The following KDM5A variants were observed in gnomAD, a reference collection of about 807,000 sequenced individuals.
KDM5A encodes the protein lysine demethylase 5A, also known as lysine-specific demethylase 5A.
KDM5A carries 42 observed loss-of-function variants against 193.5 expected under a neutral mutation model. That is an observed-to-expected ratio of 0.22 (90% CI 0.17 to 0.28). KDM5A has a LOEUF of 0.28. Among genes scored for constraint, KDM5A ranks in the 10% least tolerant of loss-of-function variants. KDM5A has a pLI of 1.00. For synonymous variants in KDM5A, 796 were observed against 718.1 expected (o/e 1.11, Z -1.73); for missense variants, 1,692 against 2,055.1 (o/e 0.82, Z 3.42).
At chr12:329,994 C>T (rs939216314) in intron 13 of KDM5A, among the ~76,000 whole-genome samples, 6 of 151,546 alleles carry the variant, frequency 4.0e-5, no homozygotes, top group East Asian at 3.9e-4. Context: ...AAATTTGAGG[C>T]TATCTCTGAA....
intron 17 of KDM5A, 41 bp from the exon 18 acceptor site, chr12:321,150 A>G: frequency 7.1e-7 from 1 of 1,408,430 alleles, no homozygotes; most frequent in Non-Finnish European, 1.0e-6. Context: ...AGAAAAATTC[A>G]GTCATTCTGA....
chr12:286,569 T>C (rs1276109779), intron 27 of KDM5A, among the ~76,000 whole-genome samples: 1 of 152,206 alleles, frequency 6.6e-6, no homozygotes, highest in Non-Finnish European at 1.5e-5. Context: ...GTCATTTCAT[T>C]GGTAACGTTA....
Position 366,011 on chromosome 12 carries a change from T to C in KDM5A, c.460A>G (p.Thr154Ala), listed in dbSNP as rs1445340239. 6 of 1,613,866 alleles carry C rather than the reference T, an allele frequency of 3.7e-6. No homozygotes were observed. Among genetic ancestry groups the C allele is most frequent in the Non-Finnish European group, 5.1e-6 (6 of 1,179,856 alleles). The change falls in exon 4 of 28, where the codon ACT becomes GCT. Residue 154 changes from threonine (T) to alanine (A), a missense_variant. This residue lies in a region of KDM5A where 120 missense variants were observed against 172.0 expected (regional missense o/e 0.70). Coordinates refer to ENST00000399788, the MANE Select transcript of KDM5A (RefSeq NM_001042603.3). ...TAATGTGACTTCAAAAGAGACCCAG[T>C]TCCTTTTCCTGGCAGATATCCCAAG... ...SRLGYLPGKG[T>A]GSLLKSHYER...
At chr12:344,875 C>A (rs1049368800) in intron 10 of KDM5A, among the ~76,000 whole-genome samples, 5 of 152,158 alleles carry the variant, frequency 3.3e-5, no homozygotes, top group Non-Finnish European at 1.5e-5. Context: ...GCAAAATAAC[C>A]AGCAAACATC....
In KDM5A at chr12:333,789, T is replaced by C. The variant is rs995738906; in HGVS notation, c.1491-140A>G. ...ATGCCCTGAATTCTGGCAACCATCT[T>C]ATAAACCTGTGCTGTTGTTCACAAT... On this transcript the variant is annotated intron_variant, in intron 11 of 27. Coordinates refer to ENST00000399788, the MANE Select transcript of KDM5A (RefSeq NM_001042603.3). 12 of 806,520 alleles carry C rather than the reference T, an allele frequency of 1.5e-5. 1 individual carries two copies. The highest frequency in any genetic ancestry group is 1.4e-4 in the African/African-American group (8 of 59,188). The allele number at this position is 806,520 out of a possible 1,614,324, so 50.0% of individuals were successfully genotyped here.
At chr12:332,012 A>T in intron 12 of KDM5A, 74 bp from the exon 13 acceptor site, 1 of 1,314,886 alleles carries the variant, frequency 7.6e-7, no homozygotes. Flanking sequence ...AGATTTTATT[A>T]GATAATTTCA....
chr12:372,372 G>C (rs1361026316), intron 3 of KDM5A, among the ~76,000 whole-genome samples: 1 of 152,176 alleles, frequency 6.6e-6, no homozygotes, highest in East Asian at 1.9e-4. Flanking sequence ...TTGTGAATGG[G>C]AGTTCACTCA....
At chr12:317,216 G>A (rs990006188) in intron 19 of KDM5A, among the ~76,000 whole-genome samples, 2 of 152,080 alleles carry the variant, frequency 1.3e-5, no homozygotes, top group Non-Finnish European at 2.9e-5. Flanking sequence ...CTCCACTCCA[G>A]GGAAACCCAC....
intron 5 of KDM5A, among the ~76,000 whole-genome samples, chr12:358,406 A>C (rs1403845530): frequency 6.6e-6 from 1 of 152,224 alleles, no homozygotes; most frequent in Non-Finnish European, 1.5e-5. Context: ...ATTTGGTTAC[A>C]CTAACCAACT....
At chr12:374,891 T>C (rs937874434) in intron 3 of KDM5A, among the ~76,000 whole-genome samples, 1 of 152,178 alleles carries the variant, frequency 6.6e-6, no homozygotes, top group African/African-American at 2.4e-5. Flanking sequence ...TTTAAGAATG[T>C]TGAACATTGG....
In KDM5A at chr12:300,432, T is replaced by A. The variant is rs11519569; in HGVS notation, c.4075-3232A>T. On this transcript the variant is annotated intron_variant, in intron 24 of 27. Coordinates refer to ENST00000399788, the MANE Select transcript of KDM5A (RefSeq NM_001042603.3). The stretch of plus-strand genomic sequence containing the variant: ...ACTTAACAACCTGCTCCTGAATGAC[T>A]ACTGGGTACATAAAGAAATGAAGGC... Among the ~76,000 whole-genome samples, 1,137 of 152,286 alleles carry A rather than the reference T, an allele frequency of 7.5e-3. 7 individuals carry two copies. Among genetic ancestry groups the A allele is most frequent in the Non-Finnish European group, 0.012 (816 of 68,020 alleles).
At chr12:354,044 TA>T (rs2137454109) in intron 8 of KDM5A, 31 bp downstream of exon 8, 22 of 1,577,144 alleles carry the variant, frequency 1.4e-5, no homozygotes, top group Non-Finnish European at 1.9e-5. Flanking sequence ...TATTTTTAGT[TA>T]AAAAAGGATC....
intron 24 of KDM5A, 135 bp downstream of exon 24, chr12:306,811 A>G (rs1943512688): frequency 1.1e-6 from 1 of 936,514 alleles, no homozygotes; most frequent in Non-Finnish European, 1.7e-6. Flanking sequence ...GCTACGACTA[A>G]AAACTCAGAA....
intron 3 of KDM5A, among the ~76,000 whole-genome samples, chr12:379,921 T>C (rs1451904545): frequency 6.6e-6 from 1 of 152,210 alleles, no homozygotes. Context: ...GTATTCAGAC[T>C]AGGTTACCTC....
intron 24 of KDM5A, among the ~76,000 whole-genome samples, chr12:305,979 T>TGTTG: frequency 7.0e-6 from 1 of 143,742 alleles, no homozygotes; most frequent in East Asian, 2.3e-4. Flanking sequence ...GTTTTTTTTT[T>TGTTG]TTTTTTTTTT....
intron 16 of KDM5A, 43 bp from the exon 17 acceptor site, chr12:322,610 C>T (rs916418729): frequency 1.0e-5 from 16 of 1,556,648 alleles, no homozygotes; most frequent in Non-Finnish European, 1.2e-5. Flanking sequence ...TAACCATAGA[C>T]ACAAAAAGCC....
At position 350,677 on chromosome 12, in the gene KDM5A, A is replaced by C; in HGVS notation, c.1252T>G (p.Phe418Val). The C allele has an allele frequency of 6.2e-7, 1 of 1,614,118 alleles. No homozygotes were observed. The highest frequency in any genetic ancestry group is 8.5e-7 in the Non-Finnish European group (1 of 1,180,002). Reference protein sequence around the residue: ...EYGADISSKDFGSGFPVKDGR... With the variant: ...EYGADISSKDVGSGFPVKDGR... ...TCCTTCACCGGAAATCCACTTCCAAAGTCTTTTGAGGAGATATCTGCTCCA... is the reference window on the plus strand; with the variant it reads ...TCCTTCACCGGAAATCCACTTCCAACGTCTTTTGAGGAGATATCTGCTCCA... Residue 418 changes from phenylalanine (F) to valine (V), a missense_variant, in exon 10 of 28, where the codon TTT (phenylalanine) becomes GTT (valine). Around this residue, in one of 11 missense-constraint regions of KDM5A, gnomAD observed 172 missense variants for 260.3 expected, o/e 0.66. Transcript: ENST00000399788.
Position 309,928 on chromosome 12 carries a change from T to G in KDM5A, c.3253A>C (p.Ser1085Arg). ...ACTTTTTTCCTCCTATTTTTGCCAC[T>G]CCCATATACACCAATGTCGGTCCGG... ...SPRTDIGVYG[S>R]GKNRRKKVKE... Residue 1085 changes from serine (S) to arginine (R), a missense_variant, in exon 22 of 28, where the codon AGT becomes CGT. Ser to Arg is a moderately radical substitution (Grantham distance 110). Transcript: ENST00000399788. 1 of 1,613,634 alleles carries G rather than the reference T, an allele frequency of 6.2e-7. No individual in the cohort carries two copies.
At chr12:309,679 TATAATC>T in intron 22 of KDM5A, 118 bp downstream of exon 22, 4 of 992,162 alleles carry the variant, frequency 4.0e-6, no homozygotes, top group Non-Finnish European at 6.2e-6. Flanking sequence ...GTGAAATATG[TATAATC>T]ATAAAGCCAA....
Sources: gnomAD v4.1 joint callset for allele counts (sites outside exome capture counted in the v4.1 genomes callset) on GRCh38, gnomAD v4.1.1 for gene constraint, gnomAD v4.1.1 regional missense constraint, MANE v1.5 for transcripts, NCBI Gene and HGNC (gene_info 2026-07-23, HGNC 2026-07-21) for gene names.